Variants in SHANK2 observed in about 807,000 individuals in gnomAD.
The protein encoded by SHANK2 is SH3 and multiple ankyrin repeat domains protein 2.
In SHANK2, 43 loss-of-function variants were observed where a neutral mutation model predicts 133.7. That is an observed-to-expected ratio of 0.32 (90% CI 0.25 to 0.41). SHANK2 has a LOEUF of 0.41. Ranked by LOEUF, SHANK2 falls within the 10% of genes least tolerant of loss-of-function variation. The probability of loss-of-function intolerance (pLI) is 1.00; values close to 1 mark genes in which losing one functional copy is unlikely to be tolerated. For synonymous variants in SHANK2, 1,017 were observed against 952.8 expected (o/e 1.07, Z -1.24); for missense variants, 1,994 against 2,235.8 (o/e 0.89, Z 2.18).
chr11:70,564,267 T>C (rs1382456257), intron 17 of SHANK2, among the ~76,000 whole-genome samples: 135 of 150,990 alleles, frequency 8.9e-4, no homozygotes, highest in African/African-American at 2.8e-3. Context: ...TTTTCTTTTT[T>C]TTTTTTTTTG....
At chr11:70,502,741 A>G in intron 18 of SHANK2, 55 bp downstream of exon 18, 2 of 381,842 alleles carry the variant, frequency 5.2e-6, no homozygotes, top group South Asian at 4.2e-5. Context: ...GCCCGCCCCC[A>G]CCCCCCCCCC....
intron 11 of SHANK2, among the ~76,000 whole-genome samples, chr11:70,865,284 C>G (rs1949335311): frequency 6.6e-6 from 1 of 152,110 alleles, no homozygotes; most frequent in Non-Finnish European, 1.5e-5. Flanking sequence ...CTTCTAGGGT[C>G]TGGCTGGCAG....
chr11:70,793,986 T>C (rs1555048570), intron 14 of SHANK2, among the ~76,000 whole-genome samples: 2 of 152,114 alleles, frequency 1.3e-5, no homozygotes, highest in Non-Finnish European at 2.9e-5. Flanking sequence ...GCAATAAACA[T>C]TTATAAACTG....
At chr11:70,762,445 CTG>C (rs1947015471) in intron 14 of SHANK2, among the ~76,000 whole-genome samples, 1 of 152,086 alleles carries the variant, frequency 6.6e-6, no homozygotes, top group African/African-American at 2.4e-5. Context: ...TCTTTTGAGT[CTG>C]TATTCTGGAG....
chr11:71,056,124 C>A (rs1950916083), intron 10 of SHANK2, among the ~76,000 whole-genome samples: 1 of 152,174 alleles, frequency 6.6e-6, no homozygotes, highest in African/African-American at 2.4e-5. Context: ...CCTGTGTGAT[C>A]CTCAGGAAGC....
At chr11:71,162,422 C>T (rs1450190154) in intron 2 of SHANK2, among the ~76,000 whole-genome samples, 2 of 139,248 alleles carry the variant, frequency 1.4e-5, no homozygotes, top group Non-Finnish European at 3.3e-5. Flanking sequence ...CCAAAGGCCC[C>T]ACCTCCAATC....
chr11:71,074,773 A>ATTTTTTTTTTTTTTTTTT, intron 9 of SHANK2, among the ~76,000 whole-genome samples: 1 of 92,524 alleles, frequency 1.1e-5, no homozygotes, highest in Non-Finnish European at 2.1e-5. Context: ...ACCTAAGCCA[A>ATTTTTTTTTTTTTTTTTT]TTTTTTTTTT....
At chr11:70,549,960 T>C (rs1214488480) in intron 17 of SHANK2, among the ~76,000 whole-genome samples, 1 of 152,210 alleles carries the variant, frequency 6.6e-6, no homozygotes, top group Non-Finnish European at 1.5e-5. Flanking sequence ...GTCAGGGCTC[T>C]GTCCAGTGCT....
intron 2 of SHANK2, among the ~76,000 whole-genome samples, chr11:71,204,961 T>C (rs998519498): frequency 9.9e-5 from 15 of 152,036 alleles, no homozygotes; most frequent in Admixed American, 3.3e-4. Context: ...GCTCGGGTGA[T>C]GTCAGCCTTG....
chr11:70,475,304 C>G (rs2058648756), intron 25 of SHANK2: 1 of 152,166 alleles, frequency 6.6e-6, no homozygotes, highest in African/African-American at 2.4e-5. Context: ...TAACAAACTC[C>G]CCAGACACTG....
intron 12 of SHANK2, among the ~76,000 whole-genome samples, chr11:70,818,358 C>T (rs1948445381): frequency 6.6e-6 from 1 of 152,200 alleles, no homozygotes; most frequent in Non-Finnish European, 1.5e-5. Context: ...GTCCCCCGTT[C>T]CTCACACATG....
intron 12 of SHANK2, among the ~76,000 whole-genome samples, chr11:70,814,582 C>T (rs1383191253): frequency 3.3e-5 from 5 of 152,352 alleles, no homozygotes; most frequent in South Asian, 2.1e-4. Context: ...CACCTCAGTT[C>T]CCATGCCAGT....
chr11:71,183,580 G>A (rs1590997191), intron 2 of SHANK2, among the ~76,000 whole-genome samples: 2 of 152,212 alleles, frequency 1.3e-5, no homozygotes, highest in Admixed American at 6.5e-5. Context: ...AATGCATGCG[G>A]CTCACAGGCA....
At chr11:71,187,472 G>T (rs558840991) in intron 2 of SHANK2, among the ~76,000 whole-genome samples, 7 of 152,114 alleles carry the variant, frequency 4.6e-5, no homozygotes, top group African/African-American at 1.7e-4. Context: ...CACTTCATGG[G>T]TTTCTCATGT....
At chr11:71,115,569 A>G (rs913526745) in intron 4 of SHANK2, among the ~76,000 whole-genome samples, 9 of 152,228 alleles carry the variant, frequency 5.9e-5, no homozygotes, top group Non-Finnish European at 1.2e-4. Flanking sequence ...GTGGATGGCC[A>G]GGCTCACAAC....
chr11:71,193,093 C>T (rs1953823569), intron 2 of SHANK2, among the ~76,000 whole-genome samples: 1 of 152,172 alleles, frequency 6.6e-6, no homozygotes, highest in African/African-American at 2.4e-5. Flanking sequence ...ATGTTAGATA[C>T]ACAGAGACAA....
chr11:70,848,634 C>A (rs554858500), intron 11 of SHANK2, among the ~76,000 whole-genome samples: 1 of 152,198 alleles, frequency 6.6e-6, no homozygotes, highest in Non-Finnish European at 1.5e-5. Flanking sequence ...GCTTCCAATG[C>A]GATTTGACCA....
chr11:70,759,317 A>C (rs538324611), intron 14 of SHANK2, among the ~76,000 whole-genome samples: 1 of 151,394 alleles, frequency 6.6e-6, no homozygotes, highest in Non-Finnish European at 1.5e-5. Context: ...AAACCCCGTC[A>C]CTAGTAAAAA....
Position 70,473,144 on chromosome 11 carries a change from C to T in SHANK2, c.5275G>A (p.Gly1759Arg). The change falls in exon 26 of 26, where the codon GGA becomes AGA. Residue 1759 changes from glycine (G) to arginine (R), a missense_variant. Around this residue, in one of 5 missense-constraint regions of SHANK2, gnomAD observed 797 missense variants for 907.4 expected, o/e 0.88. Transcript: ENST00000601538. This position sits in a 1 kb window ranked among gnomAD's most constrained non-coding sequence, Gnocchi z 5.9. ...SGDLFGLNPA[G>R]RSRSPSPSIL... Reference sequence around the variant, plus strand: ...GAGGGGGATGGCGACCTACTGCGTCCCGCTGGGTTCAAGCCAAATAGATCC... The same window carrying T: ...GAGGGGGATGGCGACCTACTGCGTCTCGCTGGGTTCAAGCCAAATAGATCC... The T allele has an allele frequency of 1.2e-6, 2 of 1,614,214 alleles. No individual in the cohort carries two copies. The highest frequency in any genetic ancestry group is 2.2e-5 in the South Asian group (2 of 91,080).
Sources: allele counts gnomAD v4.1 joint callset (sites outside exome capture counted in the v4.1 genomes callset), GRCh38; gene constraint gnomAD v4.1.1; regional missense constraint gnomAD v4.1.1; non-coding constraint Gnocchi (gnomAD v3.1); transcripts MANE v1.5; gene names NCBI Gene and HGNC (gene_info 2026-07-23, HGNC 2026-07-21).